The following HCN1 variants were observed in gnomAD, a reference collection of about 807,000 sequenced individuals.
The protein encoded by HCN1 is hyperpolarization activated cyclic nucleotide gated potassium channel 1, also known as potassium/sodium hyperpolarization-activated cyclic nucleotide-gated channel 1.
Under a neutral mutation model 78.9 loss-of-function variants are expected in HCN1, and 13 were observed. The observed-to-expected ratio is 0.16, with a 90% CI of 0.11 to 0.26. The LOEUF is 0.26. HCN1 is among the 10% of genes least tolerant of loss of function. The pLI, the probability that HCN1 is intolerant of heterozygous loss-of-function variation, is 1.00. For synonymous variants in HCN1, 552 were observed against 455.5 expected (o/e 1.21, Z -2.70); for missense variants, 810 against 1,154.3 (o/e 0.70, Z 4.32).
intron 4 of HCN1, among the ~76,000 whole-genome samples, chr5:45,376,944 G>A (rs1324651572): frequency 1.3e-5 from 2 of 151,990 alleles, no homozygotes; most frequent in African/African-American, 2.4e-5. Context: ...AATAAGAAGA[G>A]TGCAACCAGG....
At chr5:45,669,616 G>A (rs571912534) in intron 1 of HCN1, among the ~76,000 whole-genome samples, 1 of 151,896 alleles carries the variant, frequency 6.6e-6, no homozygotes, top group South Asian at 2.1e-4. Context: ...TGGTGGTCAT[G>A]AGCCAAGTTT....
At chr5:45,605,666 A>C (rs1744710926) in intron 2 of HCN1, among the ~76,000 whole-genome samples, 1 of 151,992 alleles carries the variant, frequency 6.6e-6, no homozygotes, top group South Asian at 2.1e-4. Context: ...AATGTAGATA[A>C]ATCAATTAAC....
intron 6 of HCN1, among the ~76,000 whole-genome samples, chr5:45,301,547 G>A (rs1053166908): frequency 6.6e-6 from 1 of 151,088 alleles, no homozygotes; most frequent in Non-Finnish European, 1.5e-5. Flanking sequence ...GTGACATCCC[G>A]TCTCTACAAA....
chr5:45,519,831 C>T (rs1742581511), intron 2 of HCN1, among the ~76,000 whole-genome samples: 2 of 151,158 alleles, frequency 1.3e-5, no homozygotes, highest in Admixed American at 1.3e-4. Context: ...ACCATTTTAG[C>T]TCTTATTTGT....
intron 4 of HCN1, among the ~76,000 whole-genome samples, chr5:45,381,877 C>T (rs1747815996): frequency 6.6e-6 from 1 of 152,134 alleles, no homozygotes; most frequent in South Asian, 2.1e-4. Context: ...TATTTCCCTG[C>T]TTATACCTTT....
At chr5:45,337,659 T>G (rs1290235730) in intron 5 of HCN1, among the ~76,000 whole-genome samples, 2 of 152,080 alleles carry the variant, frequency 1.3e-5, no homozygotes, top group Non-Finnish European at 2.9e-5. Flanking sequence ...GATCCTGAGT[T>G]CATATAGCAG....
intron 2 of HCN1, among the ~76,000 whole-genome samples, chr5:45,610,152 T>C (rs1006921650): frequency 1.3e-5 from 2 of 152,194 alleles, no homozygotes; most frequent in Non-Finnish European, 2.9e-5. Flanking sequence ...GTGTGATTTT[T>C]ATATATAAAT....
At chr5:45,493,346 C>CT (rs1203128822) in intron 2 of HCN1, among the ~76,000 whole-genome samples, 16 of 151,980 alleles carry the variant, frequency 1.1e-4, no homozygotes, top group African/African-American at 3.9e-4. Context: ...ATCTTATACT[C>CT]TAACAAAAAA....
At chr5:45,305,718 G>C (rs1745719508) in intron 5 of HCN1, among the ~76,000 whole-genome samples, 1 of 151,276 alleles carries the variant, frequency 6.6e-6, no homozygotes, top group Non-Finnish European at 1.5e-5. Flanking sequence ...GAGGGAGCAG[G>C]TGGGAAGGAA....
intron 5 of HCN1, among the ~76,000 whole-genome samples, chr5:45,310,865 G>C (rs1442333821): frequency 2.0e-5 from 3 of 152,074 alleles, no homozygotes; most frequent in Admixed American, 6.6e-5. Flanking sequence ...CTTTTGCAGG[G>C]ACATGGATGG....
intron 1 of HCN1, among the ~76,000 whole-genome samples, chr5:45,690,932 T>C (rs1429573968): frequency 6.6e-6 from 1 of 152,070 alleles, no homozygotes; most frequent in Non-Finnish European, 1.5e-5. Context: ...GTGAATTATC[T>C]GCTAAACACA....
intron 2 of HCN1, among the ~76,000 whole-genome samples, chr5:45,597,443 C>A (rs1250713182): frequency 1.3e-5 from 2 of 152,162 alleles, no homozygotes; most frequent in Non-Finnish European, 2.9e-5. Flanking sequence ...CTATTTATGA[C>A]AAACCCACAG....
chr5:45,477,187 A>G (rs897272055), intron 2 of HCN1, among the ~76,000 whole-genome samples: 1 of 152,156 alleles, frequency 6.6e-6, no homozygotes, highest in Non-Finnish European at 1.5e-5. Flanking sequence ...TCCATGTTTC[A>G]TCACTTTATC....
At chr5:45,329,693 A>C (rs1351166668) in intron 5 of HCN1, among the ~76,000 whole-genome samples, 1 of 151,398 alleles carries the variant, frequency 6.6e-6, no homozygotes, top group East Asian at 1.9e-4. Context: ...TTTTTAAATT[A>C]ACACTATTTA....
intron 3 of HCN1, among the ~76,000 whole-genome samples, chr5:45,432,872 T>C (rs138375436): frequency 1.3e-3 from 197 of 152,196 alleles, no homozygotes; most frequent in African/African-American, 4.7e-3. Context: ...CAGTTTCACA[T>C]GGCTAGGGAG....
intron 1 of HCN1, among the ~76,000 whole-genome samples, chr5:45,691,744 A>T (rs1739916778): frequency 6.6e-6 from 1 of 152,164 alleles, no homozygotes; most frequent in Non-Finnish European, 1.5e-5. Flanking sequence ...AAGCTCCTGG[A>T]AGCAAATGTT....
intron 6 of HCN1, among the ~76,000 whole-genome samples, chr5:45,291,848 C>A (rs1745383608): frequency 6.6e-6 from 1 of 151,968 alleles, no homozygotes; most frequent in South Asian, 2.1e-4. Context: ...TTTCATTAAG[C>A]TTTCTGCCCA....
chr5:45,685,793 C>T (rs1009706715), intron 1 of HCN1, among the ~76,000 whole-genome samples: 6 of 152,016 alleles, frequency 3.9e-5, no homozygotes, highest in Non-Finnish European at 7.4e-5. Context: ...TATGGCATTG[C>T]ACATCAGGGC....
chr5:45,269,272 T>G (rs887366397), intron 6 of HCN1, among the ~76,000 whole-genome samples: 3 of 152,254 alleles, frequency 2.0e-5, no homozygotes, highest in Non-Finnish European at 4.4e-5. Context: ...ATTTGAATTC[T>G]ACACTTTAAT....
Sources: allele counts gnomAD v4.1 joint callset (sites outside exome capture counted in the v4.1 genomes callset), GRCh38; gene constraint gnomAD v4.1.1; transcripts MANE v1.5; gene names NCBI Gene and HGNC (gene_info 2026-07-23, HGNC 2026-07-21).